Variants in FAM193A observed in about 807,000 individuals in gnomAD.
FAM193A encodes protein FAM193A.
FAM193A carries 22 observed loss-of-function variants against 126.5 expected under a neutral mutation model. The ratio of observed to expected loss-of-function variants is 0.17; its 90% CI spans 0.12 to 0.25. The LOEUF is 0.25. FAM193A is among the 10% of genes least tolerant of loss of function. The pLI is 1.00. For synonymous variants in FAM193A, 761 were observed against 646.8 expected, an observed-to-expected ratio of 1.18 and a Z score of -2.68; for missense variants, 1,675 against 1,672.8, an observed-to-expected ratio of 1.00 and a Z score of -0.02.
At chr4:2,582,369 G>C (rs533378018) in intron 1 of FAM193A, among the ~76,000 whole-genome samples, 33 of 152,008 alleles carry the variant, frequency 2.2e-4, no homozygotes, top group Non-Finnish European at 3.7e-4. Flanking sequence ...CTGAACTCCT[G>C]GGTTCAAGCA....
chr4:2,593,787 G>A (rs1053662345), intron 1 of FAM193A, among the ~76,000 whole-genome samples: 1 of 152,136 alleles, frequency 6.6e-6, no homozygotes, highest in Non-Finnish European at 1.5e-5. Flanking sequence ...TGATGGGTAT[G>A]GCTGTTCTGC....
intron 1 of FAM193A, among the ~76,000 whole-genome samples, chr4:2,561,688 G>T (rs1210625800): frequency 1.4e-5 from 2 of 146,138 alleles, no homozygotes; most frequent in African/African-American, 2.5e-5. Context: ...GTACAGACGG[G>T]GTTTCACCGT....
intron 1 of FAM193A, among the ~76,000 whole-genome samples, chr4:2,563,048 G>A (rs1242375296): frequency 6.6e-6 from 1 of 151,744 alleles, no homozygotes; most frequent in Non-Finnish European, 1.5e-5. Context: ...AGATTCAAGC[G>A]ATTATCTTGC....
At chr4:2,563,141 C>T (rs944851055) in intron 1 of FAM193A, among the ~76,000 whole-genome samples, 1 of 151,682 alleles carries the variant, frequency 6.6e-6, no homozygotes, top group Non-Finnish European at 1.5e-5. Flanking sequence ...GATGAGGTTT[C>T]ACCATGTTGG....
intron 1 of FAM193A, among the ~76,000 whole-genome samples, chr4:2,558,391 C>T (rs953287595): frequency 3.9e-5 from 6 of 152,236 alleles, no homozygotes; most frequent in East Asian, 1.9e-4. Flanking sequence ...ACATTGTCTA[C>T]GAGTTACTAG....
intron 2 of FAM193A, among the ~76,000 whole-genome samples, chr4:2,616,872 T>C (rs1351014413): frequency 6.8e-6 from 1 of 148,040 alleles, no homozygotes; most frequent in African/African-American, 2.5e-5. Flanking sequence ...GCCCAGTGAA[T>C]TGAATATTTT....
At chr4:2,603,156 G>GTA (rs199859317) in intron 2 of FAM193A, among the ~76,000 whole-genome samples, 48 of 145,748 alleles carry the variant, frequency 3.3e-4, no homozygotes, top group African/African-American at 7.7e-4. Flanking sequence ...ATATATATAT[G>GTA]TATATATATA....
At chr4:2,624,231 C>T (rs112942882) in intron 2 of FAM193A, among the ~76,000 whole-genome samples, 29 of 151,990 alleles carry the variant, frequency 1.9e-4, no homozygotes, top group African/African-American at 6.5e-4. Context: ...GGCTGGAGTG[C>T]GGTGGCGCGA....
At chr4:2,636,294 A>G (rs746315425) in intron 5 of FAM193A, among the ~76,000 whole-genome samples, 1 of 151,848 alleles carries the variant, frequency 6.6e-6, no homozygotes, top group Non-Finnish European at 1.5e-5. Context: ...CGATCTCCTG[A>G]CCTCGTGATT....
chr4:2,725,244 A>G (rs1163803020), intron 20 of FAM193A, among the ~76,000 whole-genome samples: 2 of 152,010 alleles, frequency 1.3e-5, no homozygotes, highest in African/African-American at 4.8e-5. Flanking sequence ...ACACATATAT[A>G]TGGTGCTTGC....
chr4:2,554,402 C>T (rs1356172111), intron 1 of FAM193A, among the ~76,000 whole-genome samples: 1 of 152,176 alleles, frequency 6.6e-6, no homozygotes, highest in Non-Finnish European at 1.5e-5. Flanking sequence ...CTCTCTATTA[C>T]TGAATTTTTG....
intron 1 of FAM193A, among the ~76,000 whole-genome samples, chr4:2,588,085 C>T (rs1036405067): frequency 2.0e-5 from 3 of 152,138 alleles, no homozygotes; most frequent in Admixed American, 6.5e-5. Context: ...CTCACACCAC[C>T]CTCAGCAGTC....
intron 1 of FAM193A, among the ~76,000 whole-genome samples, chr4:2,586,599 C>G (rs1431591778): frequency 6.6e-6 from 1 of 152,056 alleles, no homozygotes; most frequent in Non-Finnish European, 1.5e-5. Flanking sequence ...ATTCTATATT[C>G]CTTCGTCTAC....
At chr4:2,688,374 G>A (rs1373484189) in intron 13 of FAM193A, among the ~76,000 whole-genome samples, 2 of 152,148 alleles carry the variant, frequency 1.3e-5, no homozygotes, top group Admixed American at 1.3e-4. Context: ...CAAAGGCAAC[G>A]CCGGCTTCTC....
At chr4:2,704,684 G>A (rs1047428480) in intron 19 of FAM193A, among the ~76,000 whole-genome samples, 3 of 152,218 alleles carry the variant, frequency 2.0e-5, no homozygotes, top group African/African-American at 7.2e-5. Flanking sequence ...CTGAGTGCCT[G>A]TTTGGCCACA....
At chr4:2,611,433 TA>T (rs1189944246) in intron 2 of FAM193A, among the ~76,000 whole-genome samples, 3 of 151,764 alleles carry the variant, frequency 2.0e-5, no homozygotes, top group Non-Finnish European at 4.4e-5. Context: ...CATGCATAGT[TA>T]ATTTTTTTTT....
chr4:2,590,480 AAAAAACAAAAAAAAAC>A, intron 1 of FAM193A, among the ~76,000 whole-genome samples: 1 of 90,318 alleles, frequency 1.1e-5, no homozygotes, highest in African/African-American at 9.2e-5. Context: ...AAAAAACAAA[AAAAAACAAAAAAAAAC>A]AAAAAAAAAC....
chr4:2,634,192 A>G (rs1283503263), intron 5 of FAM193A, among the ~76,000 whole-genome samples: 1 of 152,196 alleles, frequency 6.6e-6, no homozygotes, highest in Non-Finnish European at 1.5e-5. Flanking sequence ...GTGGAGATGC[A>G]GGGAGTACAG....
chr4:2,678,310 C>T (rs1714670948), intron 13 of FAM193A, among the ~76,000 whole-genome samples: 1 of 146,942 alleles, frequency 6.8e-6, no homozygotes, highest in African/African-American at 2.5e-5. Context: ...TGATACAACT[C>T]TTCCACTTCT....
Sources: allele counts gnomAD v4.1 joint callset (sites outside exome capture counted in the v4.1 genomes callset), GRCh38; gene constraint gnomAD v4.1.1; transcripts MANE v1.5; gene names NCBI Gene and HGNC (gene_info 2026-07-23, HGNC 2026-07-21).